Variants in PTPRG observed in about 807,000 individuals in gnomAD.
PTPRG encodes protein tyrosine phosphatase receptor type G.
A neutral mutation model predicts 165.3 loss-of-function variants in PTPRG; 102 were observed. The observed-to-expected ratio is 0.62, with a 90% CI of 0.53 to 0.73. The LOEUF (loss-of-function observed/expected upper bound fraction) is 0.73, where lower values mean the gene tolerates loss of function less well. PTPRG is among the 30% of genes least tolerant of loss of function. The probability of loss-of-function intolerance (pLI) is 0.00; values close to 1 mark genes in which losing one functional copy is unlikely to be tolerated. For synonymous variants in PTPRG, 675 were observed against 669.5 expected (o/e 1.01, Z -0.13); for missense variants, 1,866 against 1,861.4 (o/e 1.00, Z -0.05).
intron 5 of PTPRG, among the ~76,000 whole-genome samples, chr3:62,080,827 T>A (rs1010391947): frequency 1.3e-5 from 2 of 152,204 alleles, no homozygotes; most frequent in African/African-American, 4.8e-5. Flanking sequence ...AGGTTTTGAA[T>A]TTTTAAAGTA....
intron 5 of PTPRG, among the ~76,000 whole-genome samples, chr3:62,130,362 C>G (rs1354796865): frequency 6.6e-6 from 1 of 152,184 alleles, no homozygotes. Flanking sequence ...CACTAATTCT[C>G]CATTCACTAA....
chr3:62,106,410 A>G (rs994259083), intron 5 of PTPRG, among the ~76,000 whole-genome samples: 4 of 152,170 alleles, frequency 2.6e-5, no homozygotes, highest in African/African-American at 9.7e-5. Context: ...CAGATATCCA[A>G]CAGCTAAATG....
intron 9 of PTPRG, 83 bp from the exon 10 acceptor site, chr3:62,194,979 C>T (rs963036241): frequency 3.9e-6 from 5 of 1,296,452 alleles, no homozygotes; most frequent in South Asian, 1.2e-5. Context: ...GGCATTGTCA[C>T]GGCACTCAGG....
intron 2 of PTPRG, among the ~76,000 whole-genome samples, chr3:61,900,792 T>C (rs2038478907): frequency 6.6e-6 from 1 of 151,742 alleles, no homozygotes; most frequent in African/African-American, 2.4e-5. Flanking sequence ...GTGTGTACTG[T>C]AGTTAAAAAA....
chr3:61,983,898 TATG>T (rs1402989371), intron 2 of PTPRG, among the ~76,000 whole-genome samples: 59 of 152,170 alleles, frequency 3.9e-4, no homozygotes, highest in Non-Finnish European at 5.6e-4. Flanking sequence ...CAGATTTTTA[TATG>T]ATATTTGTTT....
At chr3:61,929,364 T>A (rs1410459790) in intron 2 of PTPRG, among the ~76,000 whole-genome samples, 1 of 152,220 alleles carries the variant, frequency 6.6e-6, no homozygotes, top group Non-Finnish European at 1.5e-5. Context: ...CTTTTGCTTT[T>A]TACCAGATCG....
In PTPRG at chr3:61,745,790, G is replaced by T. The variant is rs933299403; in HGVS notation, c.86-3088G>T. Among the ~76,000 whole-genome samples, 2 of 152,138 alleles carry T rather than the reference G, an allele frequency of 1.3e-5. 1 individual carries two copies. Among genetic ancestry groups the T allele is most frequent in the South Asian group, 4.1e-4 (2 of 4,824 alleles). On this transcript the variant is annotated intron_variant, in intron 1 of 29. Coordinates refer to ENST00000474889, the MANE Select transcript of PTPRG (RefSeq NM_002841.4). ...TTGGTTGGTTTTAAAGTAGCCCAGG[G>T]TTAAGAGAGCTCTAGTACAACAATG...
intron 2 of PTPRG, among the ~76,000 whole-genome samples, chr3:61,766,428 TGTTAA>T (rs1374799835): frequency 6.6e-6 from 1 of 152,180 alleles, no homozygotes; most frequent in Non-Finnish European, 1.5e-5. Flanking sequence ...AATTTTTTCT[TGTTAA>T]GTTTTCTTTC....
intron 10 of PTPRG, 80 bp from the exon 11 acceptor site, chr3:62,201,425 A>C: frequency 9.0e-7 from 1 of 1,107,202 alleles, no homozygotes; most frequent in Admixed American, 2.2e-5. Flanking sequence ...TATGTAATTC[A>C]GATTTGTGTT....
chr3:61,830,183 A>G (rs1222698621), intron 2 of PTPRG, among the ~76,000 whole-genome samples: 1 of 152,184 alleles, frequency 6.6e-6, no homozygotes, highest in Non-Finnish European at 1.5e-5. Flanking sequence ...ATGTGGCATA[A>G]CCCTGGGAAT....
At chr3:61,733,904 C>T (rs1400087971) in intron 1 of PTPRG, among the ~76,000 whole-genome samples, 1 of 152,128 alleles carries the variant, frequency 6.6e-6, no homozygotes, top group Non-Finnish European at 1.5e-5. Context: ...CTCAAGCGGT[C>T]CTCACACCTC....
intron 1 of PTPRG, among the ~76,000 whole-genome samples, chr3:61,741,694 T>A (rs2032991205): frequency 6.6e-6 from 1 of 152,196 alleles, no homozygotes; most frequent in African/African-American, 2.4e-5. Context: ...GATAATGACA[T>A]AGCAGAGGTC....
At chr3:62,012,733 C>T (rs1001809698) in intron 4 of PTPRG, among the ~76,000 whole-genome samples, 1 of 152,048 alleles carries the variant, frequency 6.6e-6, no homozygotes, top group African/African-American at 2.4e-5. Flanking sequence ...GATTTTCAAG[C>T]ATTGAAAAGA....
chr3:61,562,422 G>A, intron 1 of PTPRG, 50 bp downstream of exon 1: 2 of 1,582,190 alleles, frequency 1.3e-6, no homozygotes, highest in Non-Finnish European at 1.7e-6. Flanking sequence ...GCGCGTTGGG[G>A]ATGCGGAGTT....
intron 2 of PTPRG, among the ~76,000 whole-genome samples, chr3:61,895,112 G>A (rs1222194627): frequency 6.6e-6 from 1 of 152,312 alleles, no homozygotes; most frequent in South Asian, 2.1e-4. Flanking sequence ...TCAGCAGGAA[G>A]AAGACAGCAG....
intron 3 of PTPRG, among the ~76,000 whole-genome samples, chr3:62,002,716 A>G (rs2041203230): frequency 6.6e-6 from 1 of 152,240 alleles, no homozygotes; most frequent in African/African-American, 2.4e-5. Flanking sequence ...GAAACAGTCA[A>G]GAAAACGAGT....
intron 6 of PTPRG, among the ~76,000 whole-genome samples, chr3:62,134,317 T>A (rs966493792): frequency 3.9e-5 from 6 of 152,164 alleles, no homozygotes; most frequent in African/African-American, 1.4e-4. Flanking sequence ...TCAGCAGAAA[T>A]ATATTTCATG....
intron 5 of PTPRG, among the ~76,000 whole-genome samples, chr3:62,081,442 A>C (rs1701577816): frequency 6.6e-6 from 1 of 152,088 alleles, no homozygotes; most frequent in Non-Finnish European, 1.5e-5. Flanking sequence ...TCCTGGGTTC[A>C]AGGGGATCCT....
chr3:61,817,275 C>G (rs1046782437), intron 2 of PTPRG, among the ~76,000 whole-genome samples: 1 of 124,246 alleles, frequency 8.0e-6, no homozygotes, highest in Non-Finnish European at 1.6e-5. Context: ...AGTGCTGAAC[C>G]TTTTAAATCA....
Sources: allele counts gnomAD v4.1 joint callset (sites outside exome capture counted in the v4.1 genomes callset), GRCh38; gene constraint gnomAD v4.1.1; transcripts MANE v1.5; gene names NCBI Gene and HGNC (gene_info 2026-07-23, HGNC 2026-07-21).